The following TNFSF4 variants were observed in gnomAD, a reference collection of about 807,000 sequenced individuals.
The protein encoded by TNFSF4 is TNF superfamily member 4, also known as tumor necrosis factor ligand superfamily member 4.
TNFSF4 carries 4 observed loss-of-function variants against 7.3 expected under a neutral mutation model. That is an observed-to-expected ratio of 0.55 (90% confidence interval 0.27 to 1.25). The LOEUF is 1.25. Ranked by LOEUF, TNFSF4 falls within the 50% of genes most tolerant of loss-of-function variation. The pLI, the probability that TNFSF4 is intolerant of heterozygous loss-of-function variation, is 0.12. For missense variants in TNFSF4, 181 were observed against 208.8 expected (o/e 0.87, Z 0.82); for synonymous variants, 76 against 83.7 (o/e 0.91, Z 0.50).
chr1:173,409,679 T>G, the TNFSF4 span, among the ~76,000 whole-genome samples: 2 of 152,246 alleles, frequency 1.3e-5, no homozygotes, highest in Non-Finnish European at 2.9e-5. Context: ...TTGCTTTTAG[T>G]GATTTTTTCT....
the TNFSF4 span, among the ~76,000 whole-genome samples, chr1:173,175,668 A>G: frequency 2.0e-5 from 3 of 152,218 alleles, no homozygotes; most frequent in African/African-American, 7.2e-5. Flanking sequence ...TATGAAGAGC[A>G]TGACTTACTG....
the TNFSF4 span, among the ~76,000 whole-genome samples, chr1:173,385,567 TTG>T: frequency 2.0e-5 from 3 of 152,196 alleles, no homozygotes; most frequent in Admixed American, 1.3e-4. Flanking sequence ...AGTAGAGATT[TTG>T]TGTTACGCCT....
chr1:173,362,605 G>A, the TNFSF4 span: 5 of 502,284 alleles, frequency 1.0e-5, no homozygotes, highest in Non-Finnish European at 1.6e-5. Flanking sequence ...CAACTCCTGG[G>A]TAAGTTTTGC....
chr1:173,307,548 G>T, the TNFSF4 span, among the ~76,000 whole-genome samples: 1 of 151,870 alleles, frequency 6.6e-6, no homozygotes, highest in East Asian at 1.9e-4. Context: ...TTGGAAAATT[G>T]AAATATTAAC....
the TNFSF4 span, among the ~76,000 whole-genome samples, chr1:173,215,658 T>A: frequency 6.6e-6 from 1 of 152,214 alleles, no homozygotes; most frequent in East Asian, 1.9e-4. Context: ...TGTTTATTGT[T>A]TCACTGACAT....
the TNFSF4 span, among the ~76,000 whole-genome samples, chr1:173,227,112 GTTT>G: frequency 1.5e-5 from 2 of 136,872 alleles, no homozygotes; most frequent in Non-Finnish European, 1.6e-5. Context: ...CTATTCTTTT[GTTT>G]TTTTTTTTTT....
chr1:173,427,525 AGT>A, the TNFSF4 span, among the ~76,000 whole-genome samples: 1 of 152,176 alleles, frequency 6.6e-6, no homozygotes, highest in Non-Finnish European at 1.5e-5. Flanking sequence ...CTACACTGAC[AGT>A]GTAAAGAATG....
the TNFSF4 span, among the ~76,000 whole-genome samples, chr1:173,433,783 C>T: frequency 5.6e-4 from 85 of 152,242 alleles, no homozygotes; most frequent in African/African-American, 1.9e-3. Context: ...TGAATTTTGT[C>T]CCCTCAAAAT....
the TNFSF4 span, among the ~76,000 whole-genome samples, chr1:173,423,737 C>T: frequency 7.2e-5 from 11 of 152,340 alleles, no homozygotes; most frequent in African/African-American, 2.6e-4. Context: ...CAAAACTATG[C>T]CTATCTTCTA....
At chr1:173,194,323 A>T (rs1278248759) in intron 1 of TNFSF4, among the ~76,000 whole-genome samples, 1 of 152,244 alleles carries the variant, frequency 6.6e-6, no homozygotes, top group African/African-American at 2.4e-5. Context: ...ACACAAGGAG[A>T]TAGAACATAC....
chr1:173,205,717 C>T (rs548130362), intron 1 of TNFSF4: 16 of 403,208 alleles, frequency 4.0e-5, no homozygotes, highest in South Asian at 1.0e-4. Context: ...CTTGGGCATC[C>T]GGTCGATGTC....
rs1453415934 is a variant in TNFSF4, at chr1:173,207,240, G to A, written c.-64C>T. 6.7e-7 allele frequency: 1 copy of A among 1,500,744 alleles called. No homozygotes were observed. The highest frequency in any genetic ancestry group is 9.1e-7 in the Non-Finnish European group (1 of 1,096,722). 93.0% of individuals were successfully genotyped at this position (1,500,744 alleles called of 1,614,324 possible). A position where few individuals can be genotyped will look rare whatever the true frequency, so the allele number is the denominator to read the frequency against. On this transcript the variant is annotated 5_prime_UTR_variant, in exon 1 of 3. Transcript: ENST00000281834. The stretch of plus-strand genomic sequence containing the variant: ...AAGGGGAACGTGCGATAAAACTGAA[G>A]TTTTCCCCAGAAAGAAGGAGGTAAA...
chr1:173,370,014 G>A, the TNFSF4 span, among the ~76,000 whole-genome samples: 1 of 152,068 alleles, frequency 6.6e-6, no homozygotes, highest in East Asian at 1.9e-4. Flanking sequence ...CTCTCCAAGG[G>A]ACCACAGAAA....
the TNFSF4 span, among the ~76,000 whole-genome samples, chr1:173,345,230 G>T: frequency 1.3e-5 from 2 of 152,172 alleles, no homozygotes; most frequent in African/African-American, 4.8e-5. Context: ...AAGAATAAGA[G>T]AAATAATACA....
chr1:173,428,834 G>A, the TNFSF4 span, among the ~76,000 whole-genome samples: 1 of 152,032 alleles, frequency 6.6e-6, no homozygotes, highest in Non-Finnish European at 1.5e-5. Flanking sequence ...GTGAAACCCC[G>A]TATCTACTAA....
At chr1:173,186,922 C>A in intron 2 of TNFSF4, 57 bp from the exon 3 acceptor site, 5 of 1,158,690 alleles carry the variant, frequency 4.3e-6, no homozygotes, top group Non-Finnish European at 6.1e-6. Context: ...AATTGGGCAA[C>A]AACCTTCCAA....
chr1:173,224,116 T>C, the TNFSF4 span, among the ~76,000 whole-genome samples: 1 of 152,122 alleles, frequency 6.6e-6, no homozygotes, highest in Non-Finnish European at 1.5e-5. Flanking sequence ...TGTCCAAACA[T>C]AGGACATTTT....
chr1:173,338,852 A>G, the TNFSF4 span, among the ~76,000 whole-genome samples: 1 of 152,126 alleles, frequency 6.6e-6, no homozygotes, highest in East Asian at 1.9e-4. Context: ...TGCCTCTGAA[A>G]CAGCATGTAA....
At chr1:173,315,635 T>A in the TNFSF4 span, among the ~76,000 whole-genome samples, 1 of 152,284 alleles carries the variant, frequency 6.6e-6, no homozygotes, top group South Asian at 2.1e-4. Context: ...GAAAACGGAA[T>A]CTTTGGCAAT....
Sources: allele counts gnomAD v4.1 joint callset (sites outside exome capture counted in the v4.1 genomes callset), GRCh38; gene constraint gnomAD v4.1.1; transcripts MANE v1.5; gene names NCBI Gene and HGNC (gene_info 2026-07-23, HGNC 2026-07-21).